Variants in INPP4B observed in about 807,000 individuals in gnomAD.
INPP4B encodes inositol polyphosphate-4-phosphatase type II B.
In INPP4B, 55 loss-of-function variants were observed where a neutral mutation model predicts 122.5. The observed-to-expected ratio is 0.45, with a 90% confidence interval of 0.36 to 0.56. The LOEUF is 0.56. Ranked by LOEUF, INPP4B falls within the 20% of genes least tolerant of loss-of-function variation. INPP4B has a pLI of 0.00. For missense variants in INPP4B, 1,000 were observed against 1,097.7 expected (o/e 0.91, Z 1.26); for synonymous variants, 403 against 388.7 (o/e 1.04, Z -0.43).
chr4:142,835,441 C>G (rs1782662723), intron 1 of INPP4B, among the ~76,000 whole-genome samples: 1 of 152,084 alleles, frequency 6.6e-6, no homozygotes, highest in African/African-American at 2.4e-5. Context: ...AGTTATGCAG[C>G]ATTTAAGAAA....
chr4:142,607,013 A>C (rs2150321090), intron 2 of INPP4B, among the ~76,000 whole-genome samples: 1 of 152,024 alleles, frequency 6.6e-6, no homozygotes, highest in Admixed American at 6.6e-5. Flanking sequence ...AAATCTATAT[A>C]ACATTATGTC....
At chr4:142,434,572 C>G (rs565826282) in intron 3 of INPP4B, among the ~76,000 whole-genome samples, 4 of 152,288 alleles carry the variant, frequency 2.6e-5, no homozygotes, top group Non-Finnish European at 2.9e-5. Context: ...GAAAAGACTA[C>G]TGGCTCTCAA....
intron 2 of INPP4B, among the ~76,000 whole-genome samples, chr4:142,596,316 A>T (rs1250570130): frequency 6.6e-6 from 1 of 152,066 alleles, no homozygotes; most frequent in Non-Finnish European, 1.5e-5. Flanking sequence ...ATATTATGTG[A>T]TGTTTGGGAC....
chr4:142,468,566 C>T lies in INPP4B; in HGVS notation c.-190-5840G>A, dbSNP rs56277121. The stretch of plus-strand genomic sequence containing the variant: ...TCCTCATGAAAAGATTAATGCCCCT[C>T]TCCGGGGAGAGTAAGTGAGTCCTCA... On this transcript the variant is annotated intron_variant, in intron 2 of 25. Transcript: ENST00000262992. Among the ~76,000 whole-genome samples, 657 of 152,232 alleles carry T rather than the reference C, an allele frequency of 4.3e-3. 5 individuals are homozygous for T. The highest frequency in any genetic ancestry group is 0.015 in the African/African-American group (606 of 41,558).
chr4:142,598,310 A>G (rs1404537691), intron 2 of INPP4B, among the ~76,000 whole-genome samples: 1 of 152,204 alleles, frequency 6.6e-6, no homozygotes, highest in Non-Finnish European at 1.5e-5. Flanking sequence ...ACTACTGTGG[A>G]TGATGATTCA....
chr4:142,555,730 G>A (rs1729010612), intron 2 of INPP4B, among the ~76,000 whole-genome samples: 1 of 151,956 alleles, frequency 6.6e-6, no homozygotes. Context: ...AATTAGCCGG[G>A]CGTGGTAGTG....
chr4:142,102,380 T>G (rs1784867797), intron 23 of INPP4B, among the ~76,000 whole-genome samples: 1 of 151,978 alleles, frequency 6.6e-6, no homozygotes, highest in African/African-American at 2.4e-5. Flanking sequence ...TTAATAATTA[T>G]TCTAAAAGAA....
At chr4:142,236,490 A>G (rs925716598) in intron 12 of INPP4B, among the ~76,000 whole-genome samples, 1 of 152,158 alleles carries the variant, frequency 6.6e-6, no homozygotes, top group Non-Finnish European at 1.5e-5. Context: ...AGATTCCTGA[A>G]CATGTCATAG....
At chr4:142,715,319 T>C (rs980584058) in intron 2 of INPP4B, among the ~76,000 whole-genome samples, 10 of 152,208 alleles carry the variant, frequency 6.6e-5, no homozygotes, top group African/African-American at 2.4e-4. Flanking sequence ...ATTGAGCACT[T>C]GAAATGTTGC....
intron 2 of INPP4B, among the ~76,000 whole-genome samples, chr4:142,589,710 A>G (rs1737012016): frequency 6.6e-6 from 1 of 152,134 alleles, no homozygotes; most frequent in South Asian, 2.1e-4. Flanking sequence ...CTTGGAAGAC[A>G]ATTTGGCAAT....
chr4:142,291,781 T>C (rs1184282548), intron 9 of INPP4B, among the ~76,000 whole-genome samples: 2 of 152,062 alleles, frequency 1.3e-5, no homozygotes. Context: ...AAAGAAAAAA[T>C]ATTCACTAAA....
rs1298261277 is a variant in INPP4B at position 142,642,539 on chromosome 4, G to T, written c.-191+83300C>A. Reference sequence around the variant, plus strand: ...TTAAATAGGGAATCCTTTCCCCATTGCTTGTTTTTGTCAGGTTTGTCAAAG... The same window carrying T: ...TTAAATAGGGAATCCTTTCCCCATTTCTTGTTTTTGTCAGGTTTGTCAAAG... On this transcript the variant is annotated intron_variant, in intron 2 of 25. Coordinates refer to ENST00000262992, the MANE Select transcript of INPP4B (RefSeq NM_001101669.3). Among the ~76,000 whole-genome samples the T allele has an allele frequency of 3.8e-4, 58 of 152,218 alleles. 1 individual carries two copies. Among genetic ancestry groups the T allele is most frequent in the Admixed American group, 3.7e-3 (56 of 15,272 alleles).
Position 142,430,379 on chromosome 4 carries a change from C to T in INPP4B, c.91+790G>A, listed in dbSNP as rs146818374. 5.1e-3 allele frequency among the ~76,000 whole-genome samples: 771 copies of T among 152,060 alleles called. 5 individuals carry two copies. The highest frequency in any genetic ancestry group is 0.018 in the African/African-American group (734 of 41,510). Reference sequence around the variant, plus strand: ...TAACTCTGCTTTCAACATTGACAATCAGATTTCTCAAAAACGCATCCAACC... The same window carrying T: ...TAACTCTGCTTTCAACATTGACAATTAGATTTCTCAAAAACGCATCCAACC... On this transcript the variant is annotated intron_variant, in intron 4 of 25. Transcript: ENST00000262992.
chr4:142,550,472 A>C (rs1483114518), intron 2 of INPP4B, among the ~76,000 whole-genome samples: 6 of 151,878 alleles, frequency 4.0e-5, no homozygotes, highest in Non-Finnish European at 1.5e-5. Flanking sequence ...AATCTCTTTG[A>C]GGTAGGAGAG....
At chr4:142,373,371 A>C (rs1190105334) in intron 7 of INPP4B, among the ~76,000 whole-genome samples, 1 of 152,026 alleles carries the variant, frequency 6.6e-6, no homozygotes, top group Admixed American at 6.6e-5. Flanking sequence ...TGAGACTTAA[A>C]ATATATAATT....
rs566660140 is a variant in INPP4B at position 142,554,200 on chromosome 4, A to AAAAAG, written c.-190-91475_-190-91474insCTTTT. ...TGAAACTCCATCTCAAAAAAAAAAA[A>AAAAAG]AAAAAGAAAAAGAAAAAAGCCAGAG... On this transcript the variant is annotated intron_variant, in intron 2 of 25. Transcript: ENST00000262992. Among the ~76,000 whole-genome samples, 60 of 137,962 alleles carry AAAAAG rather than the reference A, an allele frequency of 4.3e-4. No homozygotes were observed. The East Asian group carries it at 5.4e-3, about 12-fold the overall frequency. 90.5% of individuals were successfully genotyped at this position (137,962 alleles called of 152,430 possible). A position where few individuals can be genotyped will look rare whatever the true frequency, so the allele number is the denominator to read the frequency against.
chr4:142,794,649 T>C (rs1163713168), intron 1 of INPP4B, among the ~76,000 whole-genome samples: 1 of 151,954 alleles, frequency 6.6e-6, no homozygotes, highest in African/African-American at 2.4e-5. Flanking sequence ...TCTGTTTATT[T>C]CACTTTAAAA....
At chr4:142,189,442 T>C (rs1162832661) in intron 15 of INPP4B, among the ~76,000 whole-genome samples, 1 of 152,134 alleles carries the variant, frequency 6.6e-6, no homozygotes, top group Non-Finnish European at 1.5e-5. Context: ...AAGCACAATG[T>C]ATTACAGAAA....
intron 2 of INPP4B, among the ~76,000 whole-genome samples, chr4:142,551,592 A>G (rs1237080927): frequency 1.3e-5 from 2 of 152,194 alleles, no homozygotes; most frequent in Non-Finnish European, 2.9e-5. Flanking sequence ...TGATATACAC[A>G]AAGGTCTCGT....
Sources: gnomAD v4.1 joint callset for allele counts (sites outside exome capture counted in the v4.1 genomes callset) on GRCh38, gnomAD v4.1.1 for gene constraint, MANE v1.5 for transcripts, NCBI Gene and HGNC (gene_info 2026-07-23, HGNC 2026-07-21) for gene names.